Variants in SNX24 observed in about 807,000 individuals in gnomAD.
The protein encoded by SNX24 is sorting nexin-24.
A neutral mutation model predicts 28.7 loss-of-function variants in SNX24; 22 were observed. The observed-to-expected ratio is 0.77, with a 90% confidence interval of 0.55 to 1.10. The LOEUF is 1.10. Ranked by LOEUF, SNX24 falls within the 50% of genes least tolerant of loss-of-function variation. The pLI is 0.00. For synonymous variants in SNX24, 69 were observed against 71.5 expected, an observed-to-expected ratio of 0.96 and a Z score of 0.18; for missense variants, 221 against 201.1, an observed-to-expected ratio of 1.10 and a Z score of -0.60.
chr5:122,910,802 C>T (rs1757850449), intron 1 of SNX24, among the ~76,000 whole-genome samples: 1 of 151,968 alleles, frequency 6.6e-6, no homozygotes, highest in African/African-American at 2.4e-5. Flanking sequence ...ATGAACTCAT[C>T]ATTTTTTATG....
At chr5:122,912,477 C>A (rs28878174) in intron 1 of SNX24, among the ~76,000 whole-genome samples, 2 of 151,564 alleles carry the variant, frequency 1.3e-5, no homozygotes, top group Non-Finnish European at 2.9e-5. Context: ...TCTCCTGCCT[C>A]ATTGCCCTGG....
intron 1 of SNX24, among the ~76,000 whole-genome samples, chr5:122,907,365 G>C (rs1757685763): frequency 6.6e-6 from 1 of 152,114 alleles, no homozygotes; most frequent in South Asian, 2.1e-4. Context: ...AGGTAGTGTG[G>C]GAATTTGTAA....
At chr5:122,920,949 C>G (rs1758406203) in intron 1 of SNX24, among the ~76,000 whole-genome samples, 1 of 152,134 alleles carries the variant, frequency 6.6e-6, no homozygotes, top group Admixed American at 6.5e-5. Context: ...TAGTCTCAAA[C>G]TCCTAACGTC....
chr5:122,961,043 T>G (rs1760468989), intron 3 of SNX24, among the ~76,000 whole-genome samples: 1 of 152,216 alleles, frequency 6.6e-6, no homozygotes, highest in South Asian at 2.1e-4. Flanking sequence ...CCACCTTCCA[T>G]TTTTGTGGTC....
intron 1 of SNX24, among the ~76,000 whole-genome samples, chr5:122,921,387 G>A (rs366172): frequency 0.77 from 117,083 of 152,172 alleles, 45,924 homozygotes; most frequent in East Asian, 0.99. Context: ...GGCACTAATC[G>A]TGGTTGGAGG....
intron 5 of SNX24, among the ~76,000 whole-genome samples, chr5:123,021,529 C>A (rs1253657715): frequency 6.6e-6 from 1 of 152,226 alleles, no homozygotes; most frequent in African/African-American, 2.4e-5. Context: ...GGATCACTTT[C>A]TAAAGCCAGT....
At chr5:122,922,719 T>C (rs149626192) in intron 1 of SNX24, among the ~76,000 whole-genome samples, 7 of 152,320 alleles carry the variant, frequency 4.6e-5, no homozygotes, top group African/African-American at 1.7e-4. Flanking sequence ...GGTCCTACTT[T>C]CTTTTACTCG....
chr5:122,965,535 G>A lies in SNX24; in HGVS notation c.249+19376G>A, dbSNP rs186561878. ...AATTGTGTAAAGGTAGGTGCAAAATGATGCCTTTTATAAGAGAAATTGCCA... is the reference window on the plus strand; with the variant it reads ...AATTGTGTAAAGGTAGGTGCAAAATAATGCCTTTTATAAGAGAAATTGCCA... On this transcript the variant is annotated intron_variant, in intron 3 of 6. Transcript: ENST00000261369. 1.8e-5 allele frequency: 8 copies of A among 440,050 alleles called. No individual in the cohort carries two copies. The East Asian group carries it at 5.6e-4, about 31-fold the overall frequency. 27.3% of individuals were successfully genotyped at this position (440,050 alleles called of 1,614,324 possible).
intron 1 of SNX24, among the ~76,000 whole-genome samples, chr5:122,873,847 C>T (rs1429491289): frequency 2.0e-5 from 3 of 149,040 alleles, no homozygotes; most frequent in African/African-American, 7.4e-5. Flanking sequence ...CTTACTGCAA[C>T]TTCCACCTCC....
At chr5:122,900,303 C>T (rs755496983) in intron 1 of SNX24, among the ~76,000 whole-genome samples, 2 of 152,132 alleles carry the variant, frequency 1.3e-5, no homozygotes, top group Non-Finnish European at 2.9e-5. Flanking sequence ...TATCTATCAC[C>T]TCACATAGTT....
chr5:122,901,209 A>AG (rs1043415291), intron 1 of SNX24, among the ~76,000 whole-genome samples: 6 of 152,080 alleles, frequency 3.9e-5, no homozygotes, highest in Non-Finnish European at 8.8e-5. Flanking sequence ...CTCAAAAAAA[A>AG]AAAAAAAGCA....
intron 2 of SNX24, among the ~76,000 whole-genome samples, chr5:122,943,473 C>A (rs113763030): frequency 6.6e-6 from 1 of 152,214 alleles, no homozygotes; most frequent in African/African-American, 2.4e-5. Context: ...GCTACTCCCC[C>A]TCTTCCCCCA....
At chr5:123,009,648 AT>A (rs66525219), downstream of SNX24, among the ~76,000 whole-genome samples, 33,910 of 152,222 alleles carry the variant, frequency 0.22, 4,815 homozygotes, top group Non-Finnish European at 0.33. Flanking sequence ...GATCATATCT[AT>A]TTAAACTTTT....
At position 123,009,134 on chromosome 5, in the gene SNX24, G is replaced by A. The variant is rs1762509478; in HGVS notation, c.*1385G>A. ...GTTGTCAACCAAAAGTAATAGTTGG[G>A]TATTGGAGATTTTTTTAAAATGTTT... On this transcript the variant is annotated 3_prime_UTR_variant, in exon 7 of 7. Coordinates refer to ENST00000261369, the MANE Select transcript of SNX24 (RefSeq NM_014035.4). The A allele has an allele frequency of 1.0e-6, 1 of 984,998 alleles. No homozygotes were observed. Among genetic ancestry groups the A allele is most frequent in the Admixed American group, 6.1e-5 (1 of 16,262 alleles). 61.0% of individuals were successfully genotyped at this position (984,998 alleles called of 1,614,324 possible).
At chr5:122,860,020 G>A (rs982637604) in intron 1 of SNX24, among the ~76,000 whole-genome samples, 1 of 152,174 alleles carries the variant, frequency 6.6e-6, no homozygotes, top group Non-Finnish European at 1.5e-5. Flanking sequence ...GGTGACAAAT[G>A]TTTCCTATTC....
chr5:123,001,455 T>C lies in SNX24; in HGVS notation c.377+18T>C. On this transcript the variant is annotated intron_variant, in intron 5 of 6. Transcript: ENST00000261369. ...GAGTCAAGGTAAGGACTAATCCTCA[T>C]CAGCCAGGAATAGGATTATGGTTTT... The C allele has an allele frequency of 1.9e-6, 3 of 1,556,652 alleles. No homozygotes were observed. The highest frequency in any genetic ancestry group is 2.7e-6 in the Non-Finnish European group (3 of 1,129,864).
chr5:123,025,031 C>A lies in SNX24; in HGVS notation n.384-4207C>A, dbSNP rs982815118. The stretch of plus-strand genomic sequence containing the variant: ...AGACCCAACAGTATAGATTCAAATT[C>A]TCTTCAATAATTTTTGGATGCGTGT... On this transcript the variant is annotated intron_variant and non_coding_transcript_variant, in intron 5 of 5. Transcript: ENST00000502387. 7.2e-5 allele frequency among the ~76,000 whole-genome samples: 11 copies of A among 152,190 alleles called. No individual in the cohort carries two copies. The South Asian group carries it at 8.3e-4, about 11-fold the overall frequency.
In SNX24 at chr5:123,015,137, G is replaced by T. The variant is rs143880106; in HGVS notation, n.383+13133G>T. Among the ~76,000 whole-genome samples the T allele has an allele frequency of 3.4e-3, 516 of 152,342 alleles. 2 individuals carry two copies. Among genetic ancestry groups the T allele is most frequent in the Non-Finnish European group, 6.1e-3 (415 of 68,032 alleles). ...AAAGAATGTGAACTCCATCAGAGCA[G>T]GGGTAGCGTCTGACTTGTGAACAGT... On this transcript the variant is annotated intron_variant and non_coding_transcript_variant, in intron 5 of 5. Coordinates refer to the SNX24 transcript ENST00000502387.
chr5:122,931,439 T>C (rs1199721892), intron 1 of SNX24, among the ~76,000 whole-genome samples: 3 of 152,168 alleles, frequency 2.0e-5, no homozygotes, highest in Non-Finnish European at 2.9e-5. Context: ...CACCTGACAA[T>C]AGGCACACAA....
Sources: gnomAD v4.1 joint callset for allele counts (sites outside exome capture counted in the v4.1 genomes callset) on GRCh38, gnomAD v4.1.1 for gene constraint, MANE v1.5 for transcripts, NCBI Gene and HGNC (gene_info 2026-07-23, HGNC 2026-07-21) for gene names.